The following PHACTR3 variants were observed in gnomAD, a reference collection of about 807,000 sequenced individuals.
PHACTR3 encodes phosphatase and actin regulator 3.
In PHACTR3, 16 loss-of-function variants were observed where a neutral mutation model predicts 66.8. The ratio of observed to expected loss-of-function variants is 0.24; its 90% CI spans 0.16 to 0.36. PHACTR3 has a LOEUF of 0.36. PHACTR3 is among the 10% of genes least tolerant of loss of function. The pLI is 1.00. For missense variants in PHACTR3, 647 were observed against 719.9 expected, an observed-to-expected ratio of 0.90 and a Z score of 1.16; for synonymous variants, 323 against 292.1, an observed-to-expected ratio of 1.11 and a Z score of -1.08.
At chr20:59,597,035 T>C (rs948213225) in intron 1 of PHACTR3, among the ~76,000 whole-genome samples, 4 of 152,202 alleles carry the variant, frequency 2.6e-5, no homozygotes, top group Non-Finnish European at 1.5e-5. Flanking sequence ...GTTTGGTGCA[T>C]GTTTGTTGAG....
At chr20:59,686,712 GATGGTGGTGGTT>G (rs2036885772) in intron 1 of PHACTR3, among the ~76,000 whole-genome samples, 3 of 149,140 alleles carry the variant, frequency 2.0e-5, no homozygotes, top group Non-Finnish European at 4.5e-5. Context: ...TGATGGTGGT[GATGGTGGTGGTT>G]ATGATGATGG....
chr20:59,636,270 T>G (rs1393109074), intron 1 of PHACTR3, among the ~76,000 whole-genome samples: 1 of 152,212 alleles, frequency 6.6e-6, no homozygotes, highest in African/African-American at 2.4e-5. Flanking sequence ...AATGGGGGCA[T>G]GGATCAGGTC....
At chr20:59,841,291 T>TTTTTGTTTTG (rs746993446) in intron 10 of PHACTR3, 104 bp from the exon 11 acceptor site, 1 of 1,230,066 alleles carries the variant, frequency 8.1e-7, no homozygotes, top group Non-Finnish European at 1.1e-6. Flanking sequence ...TTTCAGGTTT[T>TTTTTGTTTTG]TTTTGTTTTG....
chr20:59,794,417 T>C (rs921282560), intron 7 of PHACTR3, among the ~76,000 whole-genome samples: 2 of 152,206 alleles, frequency 1.3e-5, no homozygotes, highest in African/African-American at 2.4e-5. Flanking sequence ...TTGAAGGATC[T>C]TTTTAAATGT....
At chr20:59,611,334 G>C (rs187836379) in intron 1 of PHACTR3, among the ~76,000 whole-genome samples, 1 of 152,360 alleles carries the variant, frequency 6.6e-6, no homozygotes, top group Admixed American at 6.5e-5. Context: ...TGTTAACAAA[G>C]TCATGGTGGC....
intron 1 of PHACTR3, among the ~76,000 whole-genome samples, chr20:59,695,856 C>T (rs2037278545): frequency 6.6e-6 from 1 of 152,084 alleles, no homozygotes; most frequent in Non-Finnish European, 1.5e-5. Context: ...CCTCAGTCTC[C>T]TGAGTAGCTG....
At chr20:59,762,884 G>A (rs1478275526) in intron 4 of PHACTR3, among the ~76,000 whole-genome samples, 1 of 152,202 alleles carries the variant, frequency 6.6e-6, no homozygotes, top group Non-Finnish European at 1.5e-5. Flanking sequence ...CGTGAGACTT[G>A]CCTGTGAATT....
intron 7 of PHACTR3, among the ~76,000 whole-genome samples, chr20:59,798,674 T>C (rs1022418455): frequency 3.3e-5 from 5 of 152,118 alleles, no homozygotes; most frequent in Admixed American, 6.6e-5. Context: ...TATATCTTCT[T>C]AACATCTGTA....
chr20:59,602,103 A>G (rs190672422), upstream of PHACTR3, among the ~76,000 whole-genome samples: 354 of 152,306 alleles, frequency 2.3e-3, 2 homozygotes, highest in Middle Eastern at 3.4e-3. Context: ...GGATGTCTCT[A>G]TTCGGTGCCT....
intron 1 of PHACTR3, among the ~76,000 whole-genome samples, chr20:59,677,371 A>T (rs2036486023): frequency 6.6e-6 from 1 of 152,160 alleles, no homozygotes; most frequent in Non-Finnish European, 1.5e-5. Flanking sequence ...GTGAGGGAGA[A>T]GGCACACTTG....
At chr20:59,782,161 G>A (rs1439566298) in intron 7 of PHACTR3, among the ~76,000 whole-genome samples, 2 of 152,160 alleles carry the variant, frequency 1.3e-5, no homozygotes, top group South Asian at 2.1e-4. Flanking sequence ...GTATTAGTCC[G>A]TTTTCACACT....
chr20:59,796,412 G>C (rs2041253971), intron 7 of PHACTR3, among the ~76,000 whole-genome samples: 1 of 152,046 alleles, frequency 6.6e-6, no homozygotes, highest in Admixed American at 6.5e-5. Context: ...TCATAATGTA[G>C]ATTCTGAAGT....
At chr20:59,758,025 G>A (rs922151248) in intron 4 of PHACTR3, among the ~76,000 whole-genome samples, 13 of 152,172 alleles carry the variant, frequency 8.5e-5, no homozygotes, top group Non-Finnish European at 1.9e-4. Context: ...AGACCTGGCA[G>A]GTTATCCCTG....
chr20:59,770,467 C>G (rs189486117), intron 5 of PHACTR3, among the ~76,000 whole-genome samples: 3 of 152,182 alleles, frequency 2.0e-5, no homozygotes, highest in Non-Finnish European at 4.4e-5. Context: ...GACCCTGGCC[C>G]AACTGAGTCT....
chr20:59,606,684 G>A (rs1327505941), intron 1 of PHACTR3, among the ~76,000 whole-genome samples: 3 of 152,294 alleles, frequency 2.0e-5, no homozygotes, highest in East Asian at 3.9e-4. Context: ...AACTTGAAAT[G>A]GAAATTATGG....
intron 1 of PHACTR3, among the ~76,000 whole-genome samples, chr20:59,621,791 G>A (rs2034249439): frequency 6.6e-6 from 1 of 152,170 alleles, no homozygotes; most frequent in African/African-American, 2.4e-5. Context: ...AGAGTTTGGG[G>A]GTGCAGAGGA....
chr20:59,734,808 T>C (rs988309974), intron 1 of PHACTR3, among the ~76,000 whole-genome samples: 8 of 152,106 alleles, frequency 5.3e-5, no homozygotes, highest in African/African-American at 1.9e-4. Context: ...ATTTATGAAT[T>C]TGCACGTTTT....
At chr20:59,587,537 C>T (rs111505722) in intron 1 of PHACTR3, among the ~76,000 whole-genome samples, 4 of 152,238 alleles carry the variant, frequency 2.6e-5, no homozygotes, top group South Asian at 2.1e-4. Context: ...AAAGCATCAC[C>T]GATTTATTGC....
At chr20:59,611,185 G>A (rs1200112157) in intron 1 of PHACTR3, among the ~76,000 whole-genome samples, 4 of 152,230 alleles carry the variant, frequency 2.6e-5, no homozygotes, top group Non-Finnish European at 5.9e-5. Flanking sequence ...AAAATGGTAG[G>A]CATTATTGTC....
Sources: allele counts gnomAD v4.1 joint callset (sites outside exome capture counted in the v4.1 genomes callset), GRCh38; gene constraint gnomAD v4.1.1; transcripts MANE v1.5; gene names NCBI Gene and HGNC (gene_info 2026-07-23, HGNC 2026-07-21).